GRXCR2: variants seen among roughly 807,000 people sequenced by gnomAD.
GRXCR2 encodes the protein glutaredoxin and cysteine rich domain containing 2.
Under a neutral mutation model 24.8 loss-of-function variants are expected in GRXCR2, and 23 were observed. The ratio of observed to expected loss-of-function variants is 0.93; its 90% CI spans 0.67 to 1.32. GRXCR2 has a LOEUF of 1.32. Among genes scored for constraint, GRXCR2 ranks in the 40% most tolerant of loss-of-function variants. The pLI, the probability that GRXCR2 is intolerant of heterozygous loss-of-function variation, is 0.00. For missense variants in GRXCR2, 315 were observed against 303.4 expected, an observed-to-expected ratio of 1.04 and a Z score of -0.28; for synonymous variants, 130 against 116.1, an observed-to-expected ratio of 1.12 and a Z score of -0.77.
At chr5:145,892,612 C>T (rs1242868779) in intron 2 of GRXCR2, among the ~76,000 whole-genome samples, 4 of 152,124 alleles carry the variant, frequency 2.6e-5, no homozygotes, top group Non-Finnish European at 5.9e-5. Flanking sequence ...AACAAAGCCT[C>T]CAAGAAATAT....
At chr5:145,877,295 T>C (rs1422292055), upstream of GRXCR2, among the ~76,000 whole-genome samples, 2 of 151,756 alleles carry the variant, frequency 1.3e-5, no homozygotes, top group Admixed American at 6.6e-5. Flanking sequence ...AGGAGACACT[T>C]GTCCTTAGTA....
rs1756782137 is a variant in GRXCR2, at chr5:145,886,515, A to G, written c.-69-19787T>C. ...AATAATCATCACTTGAGATTATTCT[A>G]CTATTCAAAAACCCTGTCCTGGGGG... On this transcript the variant is annotated intron_variant, in intron 2 of 3. Coordinates refer to the GRXCR2 transcript ENST00000639411. 1.3e-5 allele frequency among the ~76,000 whole-genome samples: 2 copies of G among 152,172 alleles called. 1 individual carries two copies. The highest frequency in any genetic ancestry group is 4.1e-4 in the South Asian group (2 of 4,828).
upstream of GRXCR2, among the ~76,000 whole-genome samples, chr5:145,875,782 A>G (rs1343560211): frequency 6.6e-6 from 1 of 152,178 alleles, no homozygotes; most frequent in Non-Finnish European, 1.5e-5. Flanking sequence ...AATGAATCAC[A>G]GGAGACTGAG....
intron 2 of GRXCR2, among the ~76,000 whole-genome samples, chr5:145,889,011 T>C (rs1756818435): frequency 6.6e-6 from 1 of 151,700 alleles, no homozygotes; most frequent in African/African-American, 2.4e-5. Flanking sequence ...CTGTCTCTAC[T>C]AAAAATATAA....
chr5:145,893,133 C>T lies in GRXCR2; in HGVS notation c.-69-26405G>A, dbSNP rs552776749. 6.3e-3 allele frequency among the ~76,000 whole-genome samples: 959 copies of T among 152,238 alleles called. 9 individuals are homozygous for T. The highest frequency in any genetic ancestry group is 0.022 in the African/African-American group (908 of 41,514). On this transcript the variant is annotated intron_variant, in intron 2 of 3. Transcript: ENST00000639411. ...GCCTTACAAGAGCTCCTGAAGGAAG[C>T]ACTAAATATGGAAAGGAACAACCGG...
intron 1 of GRXCR2, among the ~76,000 whole-genome samples, chr5:145,869,069 T>G (rs1561677101): frequency 6.6e-6 from 1 of 152,252 alleles, no homozygotes; most frequent in Non-Finnish European, 1.5e-5. Flanking sequence ...AACTAGAGAT[T>G]ATTGATCAGG....
chr5:145,865,366 T>TC (rs1756411990), intron 2 of GRXCR2, among the ~76,000 whole-genome samples: 3 of 152,184 alleles, frequency 2.0e-5, no homozygotes, highest in Admixed American at 2.0e-4. Flanking sequence ...TCAGCCCTCC[T>TC]CCCCCTGGTC....
intron 1 of GRXCR2, among the ~76,000 whole-genome samples, chr5:145,867,907 C>A (rs1200360577): frequency 2.6e-5 from 4 of 152,094 alleles, no homozygotes; most frequent in African/African-American, 9.7e-5. Flanking sequence ...TGAGTGCCCT[C>A]CAATTACCCC....
At chr5:145,919,766 C>T (rs1261921867) in intron 2 of GRXCR2, among the ~76,000 whole-genome samples, 1 of 152,054 alleles carries the variant, frequency 6.6e-6, no homozygotes, top group Non-Finnish European at 1.5e-5. Flanking sequence ...AAGATCCATC[C>T]TTTGCATGCT....
chr5:145,868,649 T>G lies in GRXCR2; in HGVS notation c.337-1921A>C, dbSNP rs373825381. ...CAATGAGGTTCAGTTACTAGGAAGCTTTTCATCTCTAGAGCTGATTTTTTT... is the reference window on the plus strand; with the variant it reads ...CAATGAGGTTCAGTTACTAGGAAGCGTTTCATCTCTAGAGCTGATTTTTTT... On this transcript the variant is annotated intron_variant, in intron 1 of 2. Transcript: ENST00000377976. Among the ~76,000 whole-genome samples the G allele has an allele frequency of 5.6e-4, 85 of 152,318 alleles. 2 individuals are homozygous for G. In the South Asian group the frequency reaches 0.015, roughly 27 times the overall value.
chr5:145,865,380 G>A (rs1283074048), intron 2 of GRXCR2, among the ~76,000 whole-genome samples: 1 of 152,164 alleles, frequency 6.6e-6, no homozygotes, highest in Non-Finnish European at 1.5e-5. Context: ...CCTGGTCTGA[G>A]CATGTCTGAG....
intron 2 of GRXCR2, among the ~76,000 whole-genome samples, chr5:145,931,022 C>T (rs1387039054): frequency 1.3e-5 from 2 of 151,822 alleles, no homozygotes; most frequent in Non-Finnish European, 2.9e-5. Context: ...AACCATAGGG[C>T]TTTTTGTCTG....
At chr5:145,927,032 C>G (rs1017687637) in intron 2 of GRXCR2, among the ~76,000 whole-genome samples, 14 of 152,050 alleles carry the variant, frequency 9.2e-5, no homozygotes, top group African/African-American at 3.4e-4. Flanking sequence ...CTCTGTTTGT[C>G]TGTTATTGGT....
At chr5:145,926,987 G>A (rs1757408155) in intron 2 of GRXCR2, among the ~76,000 whole-genome samples, 1 of 152,240 alleles carries the variant, frequency 6.6e-6, no homozygotes, top group Admixed American at 6.5e-5. Flanking sequence ...TCTCTTTGAA[G>A]CAATTGTGAG....
At position 145,866,527 on chromosome 5, in the gene GRXCR2, T is replaced by C. The variant is rs1756439360; in HGVS notation, c.538A>G (p.Thr180Ala). ...HDRPLVEAES[T>A]LPQNRYTQEG... ...TGTGTATACCGGTTTTGGGGTAATG[T>C]GCTTTCTGCCTCCACCAAAGGTCTA... Residue 180 changes from threonine (T) to alanine (A), a missense_variant, in exon 2 of 3, where the codon ACA (threonine) becomes GCA (alanine). By Grantham distance (58) the Thr-to-Ala change is moderately conservative. Transcript: ENST00000377976. The C allele has an allele frequency of 6.2e-7, 1 of 1,614,016 alleles. No homozygotes were observed. Among genetic ancestry groups the C allele is most frequent in the Non-Finnish European group, 8.5e-7 (1 of 1,179,952 alleles).
At chr5:145,888,456 G>A (rs908195324) in intron 2 of GRXCR2, among the ~76,000 whole-genome samples, 5 of 152,106 alleles carry the variant, frequency 3.3e-5, no homozygotes, top group South Asian at 2.1e-4. Flanking sequence ...AGAGACCCCC[G>A]ATCCATTTCA....
intron 2 of GRXCR2, among the ~76,000 whole-genome samples, chr5:145,880,852 C>T (rs1252679851): frequency 6.6e-6 from 1 of 152,162 alleles, no homozygotes; most frequent in African/African-American, 2.4e-5. Context: ...GGCTTCATCC[C>T]TGGGATACAA....
intron 2 of GRXCR2, among the ~76,000 whole-genome samples, chr5:145,926,249 A>G (rs1366916868): frequency 6.6e-6 from 1 of 152,088 alleles, no homozygotes; most frequent in Non-Finnish European, 1.5e-5. Flanking sequence ...TATTTTTTTA[A>G]TGGCTATCTT....
chr5:145,891,037 C>T (rs749588765), intron 2 of GRXCR2, among the ~76,000 whole-genome samples: 3 of 152,066 alleles, frequency 2.0e-5, no homozygotes, highest in Non-Finnish European at 4.4e-5. Context: ...GGGTAAATGA[C>T]AAAGGGTTCA....
Sources: allele counts gnomAD v4.1 joint callset (sites outside exome capture counted in the v4.1 genomes callset), GRCh38; gene constraint gnomAD v4.1.1; transcripts MANE v1.5; gene names NCBI Gene and HGNC (gene_info 2026-07-23, HGNC 2026-07-21).